The following HMGA2 variants were observed in gnomAD, a reference collection of about 807,000 sequenced individuals.
HMGA2 encodes the protein high mobility group protein HMGI-C.
In HMGA2, 8 loss-of-function variants were observed where a neutral mutation model predicts 19.1. The observed-to-expected ratio is 0.42, with a 90% CI of 0.25 to 0.76. The LOEUF (loss-of-function observed/expected upper bound fraction) is 0.76, where lower values mean the gene tolerates loss of function less well. Ranked by LOEUF, HMGA2 falls within the 30% of genes least tolerant of loss-of-function variation. The pLI is 0.28. For synonymous variants in HMGA2, 60 were observed against 48.8 expected, an observed-to-expected ratio of 1.23 and a Z score of -0.96; for missense variants, 109 against 136.3, an observed-to-expected ratio of 0.80 and a Z score of 1.00.
At chr12:65,912,396 A>G (rs892474265) in intron 3 of HMGA2, among the ~76,000 whole-genome samples, 3 of 152,172 alleles carry the variant, frequency 2.0e-5, no homozygotes, top group African/African-American at 7.2e-5. Context: ...GAAAGAAAGA[A>G]TGTCCCCTGG....
chr12:65,886,734 C>T (rs1420728875), intron 3 of HMGA2, among the ~76,000 whole-genome samples: 1 of 152,232 alleles, frequency 6.6e-6, no homozygotes, highest in South Asian at 2.1e-4. Context: ...CAGAGGTGTT[C>T]GAGGAAGGAG....
intron 3 of HMGA2, chr12:65,858,701 T>G (rs1264516459): frequency 1.3e-5 from 2 of 152,186 alleles, no homozygotes; most frequent in Non-Finnish European, 2.9e-5. Flanking sequence ...ATATTAAATA[T>G]TGCAGTAATG....
chr12:65,939,571 G>T (rs2121289248), intron 3 of HMGA2, among the ~76,000 whole-genome samples: 1 of 152,206 alleles, frequency 6.6e-6, no homozygotes, highest in East Asian at 1.9e-4. Flanking sequence ...GGCCAGGCTG[G>T]TCTTGAACTC....
intron 3 of HMGA2, among the ~76,000 whole-genome samples, chr12:65,949,073 T>C (rs956705415): frequency 6.6e-6 from 1 of 152,118 alleles, no homozygotes; most frequent in South Asian, 2.1e-4. Flanking sequence ...TGGAAATGAA[T>C]CCTCTATTAG....
At chr12:65,867,317 T>C (rs1471001547) in intron 3 of HMGA2, among the ~76,000 whole-genome samples, 1 of 152,170 alleles carries the variant, frequency 6.6e-6, no homozygotes, top group Non-Finnish European at 1.5e-5. Flanking sequence ...TCTTTGCTTT[T>C]GGATACAAAG....
chr12:65,861,967 C>T (rs981261592), intron 3 of HMGA2, among the ~76,000 whole-genome samples: 1 of 151,930 alleles, frequency 6.6e-6, no homozygotes. Context: ...GCTTCAGCCT[C>T]CTGAGTATCT....
rs1876809116 is a variant in HMGA2 at position 65,963,367 on chromosome 12, T to A, written c.*75T>A. Reference sequence around the variant, plus strand: ...GGGAGAAGACACTGCAGTGACCACTTATTCTGTATTGCCATGGTCTTTCCA... The same window carrying A: ...GGGAGAAGACACTGCAGTGACCACTAATTCTGTATTGCCATGGTCTTTCCA... On this transcript the variant is annotated 3_prime_UTR_variant, in exon 5 of 5. Transcript: ENST00000403681. 2 of 958,428 alleles carry A rather than the reference T, an allele frequency of 2.1e-6. No individual in the cohort carries two copies. Among genetic ancestry groups the A allele is most frequent in the Admixed American group, 3.8e-5 (2 of 52,160 alleles). The allele number at this position is 958,428 out of a possible 1,614,324, so 59.4% of individuals were successfully genotyped here.
At chr12:65,849,730 C>T (rs867449185) in intron 3 of HMGA2, among the ~76,000 whole-genome samples, 2 of 118,592 alleles carry the variant, frequency 1.7e-5, no homozygotes, top group Middle Eastern at 8.9e-3. Context: ...CAATGGTAGG[C>T]TCTGTATTTT....
At chr12:65,855,458 T>TCTCTCACACACACA (rs140365204) in intron 3 of HMGA2, among the ~76,000 whole-genome samples, 9 of 140,136 alleles carry the variant, frequency 6.4e-5, no homozygotes, top group African/African-American at 2.5e-4. Flanking sequence ...TCTCTCTCTC[T>TCTCTCACACACACA]CACACACACA....
At chr12:65,848,502 G>A (rs1275048574) in intron 3 of HMGA2, among the ~76,000 whole-genome samples, 1 of 152,124 alleles carries the variant, frequency 6.6e-6, no homozygotes, top group East Asian at 1.9e-4. Flanking sequence ...GAAATCCTAG[G>A]CTTATGTCAA....
chr12:65,868,997 C>T (rs1185732348), intron 3 of HMGA2, among the ~76,000 whole-genome samples: 1 of 152,120 alleles, frequency 6.6e-6, no homozygotes, highest in African/African-American at 2.4e-5. Context: ...CATTGATTTC[C>T]TCTACTTATG....
intron 3 of HMGA2, among the ~76,000 whole-genome samples, chr12:65,899,042 T>TCAA (rs1279157496): frequency 5.1e-5 from 2 of 39,120 alleles, no homozygotes; most frequent in African/African-American, 1.2e-4. Flanking sequence ...AGACTCCGTC[T>TCAA]CAAAAAAAAA....
chr12:65,866,589 G>C (rs189519118), intron 3 of HMGA2, among the ~76,000 whole-genome samples: 38 of 152,286 alleles, frequency 2.5e-4, no homozygotes, highest in African/African-American at 9.1e-4. Context: ...GGTGTCTTAA[G>C]AGTCAGGTAA....
Position 65,963,334 on chromosome 12 carries a change from CT to C in HMGA2, c.*46del, listed in dbSNP as rs750164743. 2.6e-6 allele frequency: 4 copies of C among 1,563,280 alleles called. No homozygotes were observed. The South Asian group carries it at 4.4e-5, about 17-fold the overall frequency. On this transcript the variant is annotated 3_prime_UTR_variant, in exon 5 of 5. Coordinates refer to ENST00000403681, the MANE Select transcript of HMGA2 (RefSeq NM_003483.6). ...ATTTCTACCTCAGCAGCAGTTGGAT[CT>C]TTTGAAGGGAGAAGACACTGCAGTG...
At chr12:65,922,411 T>C (rs1057290758) in intron 3 of HMGA2, among the ~76,000 whole-genome samples, 3 of 152,218 alleles carry the variant, frequency 2.0e-5, no homozygotes, top group Non-Finnish European at 2.9e-5. Flanking sequence ...AAAATGTGAC[T>C]GCCCCACAGG....
chr12:65,872,258 C>T (rs1872746502), intron 3 of HMGA2, among the ~76,000 whole-genome samples: 1 of 152,188 alleles, frequency 6.6e-6, no homozygotes, highest in Non-Finnish European at 1.5e-5. Context: ...TCTGACACAT[C>T]AGCCGTGCCT....
At chr12:65,851,585 T>A (rs1391323472) in intron 3 of HMGA2, 1 of 416,714 alleles carries the variant, frequency 2.4e-6, no homozygotes, top group Non-Finnish European at 4.8e-6. Flanking sequence ...AGCGAGCAGC[T>A]TGAACTCAGG....
intron 2 of HMGA2, among the ~76,000 whole-genome samples, chr12:65,835,040 C>T (rs1352813694): frequency 6.6e-6 from 1 of 152,124 alleles, no homozygotes; most frequent in Non-Finnish European, 1.5e-5. Flanking sequence ...AATGAGAATT[C>T]CGACCATATC....
intron 3 of HMGA2, chr12:65,874,325 C>G (rs528611842): frequency 6.6e-6 from 1 of 151,890 alleles, no homozygotes; most frequent in East Asian, 1.9e-4. Context: ...AAGTCTACTA[C>G]TTAGTTGAAG....
Sources: gnomAD v4.1 joint callset for allele counts (sites outside exome capture counted in the v4.1 genomes callset) on GRCh38, gnomAD v4.1.1 for gene constraint, MANE v1.5 for transcripts, NCBI Gene and HGNC (gene_info 2026-07-23, HGNC 2026-07-21) for gene names.